ZNF609: variants seen among roughly 807,000 people sequenced by gnomAD.
The protein encoded by ZNF609 is zinc finger protein 609.
Under a neutral mutation model 109.5 loss-of-function variants are expected in ZNF609, and 11 were observed. The ratio of observed to expected loss-of-function variants is 0.10; its 90% CI spans 0.06 to 0.17. The LOEUF (loss-of-function observed/expected upper bound fraction) is 0.17. Among genes scored for constraint, ZNF609 ranks in the 10% least tolerant of loss-of-function variants. The pLI is 1.00. For synonymous variants in ZNF609, 646 were observed against 662.0 expected (o/e 0.98, Z 0.37); for missense variants, 1,559 against 1,772.4 (o/e 0.88, Z 2.16).
rs1011148347 is a variant in ZNF609, at chr15:64,607,237, A to G, written c.748-15590A>G. On this transcript the variant is annotated intron_variant, in intron 2 of 9. Coordinates refer to ENST00000326648, the MANE Select transcript of ZNF609 (RefSeq NM_015042.2). ...CATTTACTGAATTTATTGGTGTCAT[A>G]TCAAGGAATAATATCCACAGTTATC... Among the ~76,000 whole-genome samples, 6 of 152,100 alleles carry G rather than the reference A, an allele frequency of 3.9e-5. No individual in the cohort carries two copies. The East Asian group carries it at 5.8e-4, about 15-fold the overall frequency.
intron 1 of ZNF609, among the ~76,000 whole-genome samples, chr15:64,486,184 A>G (rs1893330182): frequency 6.6e-6 from 1 of 152,208 alleles, no homozygotes; most frequent in African/African-American, 2.4e-5. Flanking sequence ...GGAATACAGG[A>G]GTATTTGAGG....
intron 4 of ZNF609, among the ~76,000 whole-genome samples, chr15:64,671,964 T>C (rs1326407250): frequency 6.6e-6 from 1 of 151,908 alleles, no homozygotes. Context: ...TTTATGCCTC[T>C]TAATTTTCAG....
chr15:64,583,856 G>C (rs1329468902), intron 2 of ZNF609, among the ~76,000 whole-genome samples: 1 of 152,130 alleles, frequency 6.6e-6, no homozygotes, highest in East Asian at 1.9e-4. Flanking sequence ...CAGAGTACCT[G>C]ATGCCACAAA....
At chr15:64,493,203 T>C (rs1381182179) in intron 1 of ZNF609, among the ~76,000 whole-genome samples, 1 of 152,158 alleles carries the variant, frequency 6.6e-6, no homozygotes, top group Admixed American at 6.5e-5. Context: ...GAAAGAGAAA[T>C]GTAGTGTTTC....
chr15:64,466,026 G>C (rs1436439979), intron 1 of ZNF609, among the ~76,000 whole-genome samples: 1 of 142,716 alleles, frequency 7.0e-6, no homozygotes, highest in Non-Finnish European at 1.5e-5. Flanking sequence ...TGAGGCAGGA[G>C]AATCGCTTGA....
chr15:64,605,902 C>CTTTTTTTT (rs10542161), intron 2 of ZNF609, among the ~76,000 whole-genome samples: 3 of 70,688 alleles, frequency 4.2e-5, no homozygotes, highest in Non-Finnish European at 7.3e-5. Context: ...CCCGGCTAAT[C>CTTTTTTTT]TTTTTTTTTT....
chr15:64,534,044 T>C (rs1894100322), intron 2 of ZNF609, among the ~76,000 whole-genome samples: 1 of 150,470 alleles, frequency 6.6e-6, no homozygotes, highest in South Asian at 2.1e-4. Flanking sequence ...GGAGTTTCAC[T>C]CTTGTTGCCC....
chr15:64,675,798 C>G lies in ZNF609; in HGVS notation c.2944C>G (p.Pro982Ala). ...LYYNQYAYVP[P>A]YGYSDQSYHT... is the part of the protein sequence containing the mutation. ...CTACAACCAGTATGCCTATGTACCC[C>G]CCTATGGCTACAGCGACCAGAGTTA... The change falls in exon 5 of 10, where the codon CCC (proline) becomes GCC (alanine). Residue 982 changes from proline (P) to alanine (A), a missense_variant. This residue lies in a region of ZNF609 where 1,204 missense variants were observed against 1,314.1 expected (regional missense o/e 0.92). Coordinates refer to ENST00000326648, the MANE Select transcript of ZNF609 (RefSeq NM_015042.2). 1 of 1,614,170 alleles carries G rather than the reference C, an allele frequency of 6.2e-7. No individual in the cohort carries two copies.
At chr15:64,542,500 A>G (rs1595712793) in intron 2 of ZNF609, among the ~76,000 whole-genome samples, 1 of 152,298 alleles carries the variant, frequency 6.6e-6, no homozygotes, top group East Asian at 1.9e-4. Context: ...AAATATTGTC[A>G]CCTTTCAAAT....
intron 3 of ZNF609, among the ~76,000 whole-genome samples, chr15:64,658,745 C>A (rs942968405): frequency 4.8e-4 from 73 of 150,664 alleles, no homozygotes; most frequent in African/African-American, 1.7e-3. Flanking sequence ...TTCAGTGAGC[C>A]GTAATCATAC....
intron 2 of ZNF609, among the ~76,000 whole-genome samples, chr15:64,582,215 ATAC>A (rs1249414472): frequency 2.0e-5 from 3 of 152,146 alleles, no homozygotes; most frequent in Non-Finnish European, 4.4e-5. Flanking sequence ...AGCCTCTTTC[ATAC>A]TACAACAGCC....
chr15:64,572,447 A>G (rs961453014), intron 2 of ZNF609, among the ~76,000 whole-genome samples: 2 of 152,106 alleles, frequency 1.3e-5, no homozygotes, highest in African/African-American at 4.8e-5. Context: ...TATTTTCTCC[A>G]TAACACTTAT....
At chr15:64,583,370 A>C (rs187035182) in intron 2 of ZNF609, among the ~76,000 whole-genome samples, 1 of 152,074 alleles carries the variant, frequency 6.6e-6, no homozygotes, top group African/African-American at 2.4e-5. Flanking sequence ...AAATTAAATT[A>C]AATTTAAAAA....
intron 2 of ZNF609, among the ~76,000 whole-genome samples, chr15:64,552,427 A>C (rs1480418389): frequency 6.6e-6 from 1 of 152,144 alleles, no homozygotes; most frequent in African/African-American, 2.4e-5. Context: ...ACTGGAGTGC[A>C]GTGACGCGAT....
At chr15:64,659,974 A>G (rs887709138) in intron 3 of ZNF609, among the ~76,000 whole-genome samples, 1 of 151,572 alleles carries the variant, frequency 6.6e-6, no homozygotes, top group African/African-American at 2.4e-5. Context: ...AGCTGGGATT[A>G]CAAGTGCACG....
chr15:64,515,702 C>T lies in ZNF609; in HGVS notation c.747+15536C>T, dbSNP rs187218692. ...CTGTAATCCCAGCACTTTGGGAGGC[C>T]GAGGCAGGCGAATAACCTGAGGTCA... On this transcript the variant is annotated intron_variant, in intron 2 of 9. Coordinates refer to ENST00000326648, the MANE Select transcript of ZNF609 (RefSeq NM_015042.2). 5.3e-5 allele frequency among the ~76,000 whole-genome samples: 8 copies of T among 151,944 alleles called. No homozygotes were observed. The East Asian group carries it at 7.8e-4, about 15-fold the overall frequency.
chr15:64,466,305 A>T (rs1486978328), intron 1 of ZNF609, among the ~76,000 whole-genome samples: 1 of 152,062 alleles, frequency 6.6e-6, no homozygotes, highest in Non-Finnish European at 1.5e-5. Context: ...ACTTGTAAGC[A>T]AGTAACTTTG....
chr15:64,614,029 T>C (rs1458844101), intron 2 of ZNF609, among the ~76,000 whole-genome samples: 1 of 151,878 alleles, frequency 6.6e-6, no homozygotes, highest in Non-Finnish European at 1.5e-5. Flanking sequence ...GTTCAAGCGA[T>C]TCTTGTGCCT....
At chr15:64,459,976 T>G (rs1596371002), upstream of ZNF609, among the ~76,000 whole-genome samples, 1 of 152,088 alleles carries the variant, frequency 6.6e-6, no homozygotes, top group Admixed American at 6.6e-5. Flanking sequence ...TAGAGGATGG[T>G]GAGGGGAAAA....
Sources: gnomAD v4.1 joint callset for allele counts (sites outside exome capture counted in the v4.1 genomes callset) on GRCh38, gnomAD v4.1.1 for gene constraint, gnomAD v4.1.1 regional missense constraint, MANE v1.5 for transcripts, NCBI Gene and HGNC (gene_info 2026-07-23, HGNC 2026-07-21) for gene names.